WNT11: variants seen among roughly 807,000 people sequenced by gnomAD.
WNT11 encodes protein Wnt-11.
A neutral mutation model predicts 35.6 loss-of-function variants in WNT11; 20 were observed. That is an observed-to-expected ratio of 0.56 (90% CI 0.40 to 0.82). The LOEUF (loss-of-function observed/expected upper bound fraction) is 0.82, where lower values mean the gene tolerates loss of function less well. Among genes scored for constraint, WNT11 ranks in the 40% least tolerant of loss-of-function variants. The pLI, the probability that WNT11 is intolerant of heterozygous loss-of-function variation, is 0.00. For missense variants in WNT11, 459 were observed against 504.4 expected (o/e 0.91, Z 0.86); for synonymous variants, 200 against 211.9 (o/e 0.94, Z 0.49).
chr11:76,205,116 T>C (rs1486035280), intron 1 of WNT11, among the ~76,000 whole-genome samples: 1 of 152,156 alleles, frequency 6.6e-6, no homozygotes, highest in African/African-American at 2.4e-5. Context: ...CCAGGCTTCT[T>C]GTAAACAAGA....
At chr11:76,207,578 A>T (rs999127856), upstream of WNT11, among the ~76,000 whole-genome samples, 3 of 151,618 alleles carry the variant, frequency 2.0e-5, no homozygotes, top group African/African-American at 7.3e-5. Context: ...GAAGGGGAGG[A>T]TGGGAAACGG....
At chr11:76,198,170 C>T (rs1953317718) in intron 1 of WNT11, among the ~76,000 whole-genome samples, 1 of 152,218 alleles carries the variant, frequency 6.6e-6, no homozygotes, top group Admixed American at 6.5e-5. Context: ...GGCTATATCA[C>T]TCCCCTTGCG....
intron 1 of WNT11, among the ~76,000 whole-genome samples, chr11:76,203,616 G>A (rs1426270942): frequency 6.6e-6 from 1 of 152,202 alleles, no homozygotes. Flanking sequence ...GGATCCCCAG[G>A]TTATTTCTGG....
intron 1 of WNT11, among the ~76,000 whole-genome samples, chr11:76,202,195 A>T (rs1318134440): frequency 6.6e-6 from 1 of 152,188 alleles, no homozygotes; most frequent in African/African-American, 2.4e-5. Flanking sequence ...GTAGCCTGGC[A>T]GCTGCCCACC....
chr11:76,209,228 T>G (rs1466138207), upstream of WNT11, among the ~76,000 whole-genome samples: 1 of 152,078 alleles, frequency 6.6e-6, no homozygotes, highest in Non-Finnish European at 1.5e-5. Context: ...CTCCTCGAAG[T>G]TGGTCCGAGC....
At chr11:76,196,032 C>G (rs1054733425) in intron 2 of WNT11, among the ~76,000 whole-genome samples, 1 of 152,196 alleles carries the variant, frequency 6.6e-6, no homozygotes, top group Non-Finnish European at 1.5e-5. Flanking sequence ...CTGCTTTGCG[C>G]ATGGTGCAAC....
chr11:76,192,177 C>T (rs921633979), intron 3 of WNT11, among the ~76,000 whole-genome samples: 1 of 152,118 alleles, frequency 6.6e-6, no homozygotes, highest in African/African-American at 2.4e-5. Flanking sequence ...CCTTACTTCC[C>T]CCATTTTAAA....
Position 76,196,588 on chromosome 11 carries a change from C to T in WNT11, c.214G>A (p.Ala72Thr), listed in dbSNP as rs753104980. Residue 72 changes from alanine (A) to threonine (T), a missense_variant, in exon 2 of 5, where the codon GCC becomes ACC. Physicochemically the swap from Ala to Thr is moderately conservative, Grantham distance 58. Transcript: ENST00000322563. ...CAGGCCTTCATGACCTCGCGGGCGG[C>T]GTGCACCACCGTGTGCATGAGCTCC... ...NLELMHTVVH[A>T]AREVMKACRR... 1.5e-5 allele frequency: 25 copies of T among 1,613,484 alleles called. No homozygotes were observed. Among genetic ancestry groups the T allele is most frequent in the South Asian group, 2.2e-5 (2 of 91,086 alleles).
upstream of WNT11, among the ~76,000 whole-genome samples, chr11:76,210,041 C>T (rs1289685579): frequency 6.6e-6 from 1 of 151,606 alleles, no homozygotes; most frequent in African/African-American, 2.4e-5. Flanking sequence ...CCTTTTGCCA[C>T]CCTTTCCCCC....
upstream of WNT11, among the ~76,000 whole-genome samples, chr11:76,208,776 G>A (rs1415683293): frequency 6.6e-6 from 1 of 152,224 alleles, no homozygotes. Flanking sequence ...GCTGTCCCAA[G>A]GCTCTCCCTC....
intron 1 of WNT11, among the ~76,000 whole-genome samples, chr11:76,197,747 T>C (rs1380488977): frequency 6.6e-6 from 1 of 152,008 alleles, no homozygotes; most frequent in Non-Finnish European, 1.5e-5. Context: ...GCCTCCCAGA[T>C]CCCAGCTCTG....
chr11:76,187,259 G>T lies in WNT11; in HGVS notation c.891-20C>A, dbSNP rs760240964. On this transcript the variant is annotated intron_variant, in intron 4 of 4. Coordinates refer to ENST00000322563, the MANE Select transcript of WNT11 (RefSeq NM_004626.3). ...CACTGCCTATTGTGGGGGCAGGAAG[G>T]AGGTCAGTGCATGCCTTGGTCACCA... The T allele has an allele frequency of 1.8e-5, 28 of 1,597,480 alleles. No individual in the cohort carries two copies. The highest frequency in any genetic ancestry group is 2.4e-5 in the Non-Finnish European group (28 of 1,178,276).
rs765187463 is a variant in WNT11, at chr11:76,191,789, G to A, written c.665C>T (p.Thr222Ile). The change falls in exon 4 of 5, where the codon ACC becomes ATC. Residue 222 changes from threonine to isoleucine, a missense_variant. Physicochemically the swap from Thr to Ile is moderately conservative, Grantham distance 89 (BLOSUM62 -1). Transcript: ENST00000322563. ...CAGCTCCTGCAGCCCCTTCCAGCAG[G>A]TGCGGATGGAGCAGGAGCCAGACAC... ...HGVSGSCSIR[T>I]CWKGLQELQD... 3.7e-6 allele frequency: 6 copies of A among 1,611,934 alleles called. No homozygotes were observed. The highest frequency in any genetic ancestry group is 5.1e-6 in the Non-Finnish European group (6 of 1,180,040).
chr11:76,187,290 C>G (rs781554117), intron 4 of WNT11, 51 bp from the exon 5 acceptor site: 1 of 1,555,724 alleles, frequency 6.4e-7, no homozygotes, highest in Admixed American at 1.7e-5. Context: ...CACCACCCCA[C>G]CAACACCCCA....
chr11:76,206,118 C>A (rs772865284), intron 1 of WNT11, among the ~76,000 whole-genome samples: 38 of 151,090 alleles, frequency 2.5e-4, no homozygotes, highest in Non-Finnish European at 4.4e-4. Flanking sequence ...GTGGTCCACG[C>A]CCGTCTCACT....
At chr11:76,199,756 A>C (rs575140712) in intron 1 of WNT11, among the ~76,000 whole-genome samples, 1 of 152,152 alleles carries the variant, frequency 6.6e-6, no homozygotes, top group African/African-American at 2.4e-5. Context: ...GTGACACTGC[A>C]CTCCAGCCTG....
intron 4 of WNT11, among the ~76,000 whole-genome samples, chr11:76,190,556 A>G (rs1230859489): frequency 1.3e-5 from 2 of 152,136 alleles, no homozygotes; most frequent in African/African-American, 4.8e-5. Flanking sequence ...GAGGAAGTCA[A>G]CGCTGGCTGT....
chr11:76,195,229 A>T (rs910982709), intron 2 of WNT11, among the ~76,000 whole-genome samples: 27 of 152,208 alleles, frequency 1.8e-4, no homozygotes, highest in Non-Finnish European at 4.0e-4. Context: ...CCCCCGAAGG[A>T]TGTGTTCAAG....
rs78075684 is a variant in WNT11 at position 76,189,218 on chromosome 11, A to G, written c.891-1979T>C. ...GCTCTGGCTGAGCACTCTACCCTGA[A>G]GGGTAGGAAGGAGGCAGAGTTCTTT... On this transcript the variant is annotated intron_variant, in intron 4 of 4. Coordinates refer to ENST00000322563, the MANE Select transcript of WNT11 (RefSeq NM_004626.3). 3.2e-3 allele frequency among the ~76,000 whole-genome samples: 489 copies of G among 152,348 alleles called. 17 individuals carry two copies. In the East Asian group the frequency reaches 0.081, roughly 25 times the overall value.
Sources: gnomAD v4.1 joint callset for allele counts (sites outside exome capture counted in the v4.1 genomes callset) on GRCh38, gnomAD v4.1.1 for gene constraint, MANE v1.5 for transcripts, NCBI Gene and HGNC (gene_info 2026-07-23, HGNC 2026-07-21) for gene names.